FSIP2: variants seen among roughly 807,000 people sequenced by gnomAD.
The protein encoded by FSIP2 is fibrous sheath interacting protein 2, also known as fibrous sheath-interacting protein 2.
Under a neutral mutation model 510.5 loss-of-function variants are expected in FSIP2, and 367 were observed. The observed-to-expected ratio is 0.72, with a 90% confidence interval of 0.66 to 0.78. The LOEUF (loss-of-function observed/expected upper bound fraction) is 0.78, where lower values mean the gene tolerates loss of function less well. Ranked by LOEUF, FSIP2 falls within the 30% of genes least tolerant of loss-of-function variation. The probability of loss-of-function intolerance (pLI) is 0.00; values close to 1 mark genes in which losing one functional copy is unlikely to be tolerated. For missense variants in FSIP2, 7,594 were observed against 7,901.7 expected (o/e 0.96, Z 1.48); for synonymous variants, 2,601 against 2,732.2 (o/e 0.95, Z 1.50).
At chr2:185,761,822 T>C in intron 10 of FSIP2, 150 bp from the exon 11 acceptor site, 1 of 465,818 alleles carries the variant, frequency 2.1e-6, no homozygotes. Context: ...AGGAGGTTGA[T>C]GATATGTATT....
rs1196915761 is a variant in FSIP2 at position 185,792,027 on chromosome 2, C to T, written c.4891C>T (p.His1631Tyr). ...YESTNISRDT[H>Y]EASFLSALYM... ...AAGCACCAATATTTCCAGAGACACA[C>T]ATGAAGCATCATTTCTGTCTGCTTT... The change falls in exon 16 of 23, where the codon CAT becomes TAT. Residue 1631 changes from histidine (H) to tyrosine (Y), a missense_variant. Transcript: ENST00000424728. The T allele has an allele frequency of 6.5e-7, 1 of 1,533,870 alleles. No homozygotes were observed. Among genetic ancestry groups the T allele is most frequent in the East Asian group, 2.4e-5 (1 of 40,824 alleles).
In FSIP2 at chr2:185,793,162, G is replaced by T; in HGVS notation, c.6026G>T (p.Arg2009Ile). 6.5e-7 allele frequency: 1 copy of T among 1,534,158 alleles called. No individual in the cohort carries two copies. Among genetic ancestry groups the T allele is most frequent in the Non-Finnish European group, 8.7e-7 (1 of 1,145,546 alleles). ...ACTTATGCACTACAAGTGGCTAGAA[G>T]AAATTTACAAGGAATCAAACAGGAA... ...LNTYALQVARRNLQGIKQELD... is the reference protein window; with the variant it reads ...LNTYALQVARINLQGIKQELD... Residue 2009 changes from arginine to isoleucine, a missense_variant, in exon 16 of 23, where the codon AGA becomes ATA. Arg to Ile is a moderately conservative substitution (Grantham distance 97, BLOSUM62 -3). Transcript: ENST00000424728.
intron 13 of FSIP2, among the ~76,000 whole-genome samples, chr2:185,781,737 G>A (rs1472561291): frequency 6.6e-6 from 1 of 152,150 alleles, no homozygotes; most frequent in South Asian, 2.1e-4. Flanking sequence ...CTGAATGCTA[G>A]GCAAAATTAA....
Position 185,762,017 on chromosome 2 carries a change from G to A in FSIP2, c.1240G>A (p.Gly414Arg). Reference protein sequence around the residue: ...SKNSSIFDDRGGINISGQGSI... With the variant: ...SKNSSIFDDRRGINISGQGSI... ...AAACTCAAGTATTTTCGATGATAGA[G>A]GTAAGAAAATAAACAATAGTCATAA... The change falls in exon 11 of 23, where the codon GGA (glycine) becomes AGA (arginine). Residue 414 changes from glycine (G) to arginine (R), a missense_variant and splice_region_variant. Transcript: ENST00000424728. 7.1e-7 allele frequency: 1 copy of A among 1,416,770 alleles called. No homozygotes were observed. Among genetic ancestry groups the A allele is most frequent in the Non-Finnish European group, 9.6e-7 (1 of 1,042,288 alleles). The allele number at this position is 1,416,770 out of a possible 1,614,324, so 87.8% of individuals were successfully genotyped here.
intron 17 of FSIP2, among the ~76,000 whole-genome samples, chr2:185,813,311 A>C (rs1456700360): frequency 2.0e-5 from 3 of 152,016 alleles, no homozygotes; most frequent in Admixed American, 6.6e-5. Context: ...CTTTTGGACT[A>C]AGTTATATTA....
chr2:185,772,225 G>C (rs1692619081), intron 13 of FSIP2, among the ~76,000 whole-genome samples: 1 of 152,046 alleles, frequency 6.6e-6, no homozygotes. Flanking sequence ...GTGTTCTTCA[G>C]AGCCAGAGCC....
Position 185,815,384 on chromosome 2 carries a change from A to G in FSIP2, c.20339A>G (p.Asn6780Ser). ...EKPQCKKEEK[N>S]LVTEPTHYFI... ...GTCCTTTTCCAGAAAGAAGAAAAGA[A>G]TCTTGTTACTGAACCAACACATTAC... is the stretch of plus-strand genomic sequence containing the variant. The change falls in exon 19 of 23, where the codon AAT becomes AGT. Residue 6780 changes from asparagine to serine, a missense_variant. By Grantham distance (46) the Asn-to-Ser change is conservative. Coordinates refer to ENST00000424728, the MANE Select transcript of FSIP2 (RefSeq NM_173651.4). 6.8e-7 allele frequency: 1 copy of G among 1,466,840 alleles called. No homozygotes were observed. The highest frequency in any genetic ancestry group is 9.4e-7 in the Non-Finnish European group (1 of 1,060,408). 90.9% of individuals were successfully genotyped at this position (1,466,840 alleles called of 1,614,324 possible).
intron 7 of FSIP2, among the ~76,000 whole-genome samples, chr2:185,749,378 C>A (rs995490034): frequency 1.3e-5 from 2 of 151,890 alleles, no homozygotes; most frequent in African/African-American, 4.8e-5. Context: ...TTCATAAATT[C>A]ATCCCTAGGT....
intron 13 of FSIP2, among the ~76,000 whole-genome samples, chr2:185,771,128 G>A (rs1692599099): frequency 6.6e-6 from 1 of 152,220 alleles, no homozygotes; most frequent in Non-Finnish European, 1.5e-5. Context: ...CATGGCTTCT[G>A]TCACTGATTT....
intron 22 of FSIP2, among the ~76,000 whole-genome samples, chr2:185,832,325 G>T (rs1694122605): frequency 6.6e-6 from 1 of 151,768 alleles, no homozygotes; most frequent in South Asian, 2.1e-4. Flanking sequence ...ATTGAGCAGG[G>T]GTGTGTGGCT....
chr2:185,745,286 T>A, intron 4 of FSIP2, 143 bp from the exon 5 acceptor site: 1 of 459,024 alleles, frequency 2.2e-6, no homozygotes, highest in Admixed American at 4.3e-5. Context: ...GGTTTACTTG[T>A]CTGTGTCTTT....
chr2:185,831,369 T>G (rs1254920153), intron 21 of FSIP2, among the ~76,000 whole-genome samples: 1 of 151,936 alleles, frequency 6.6e-6, no homozygotes, highest in Non-Finnish European at 1.5e-5. Context: ...ACAGAGCCAC[T>G]TTATTGCTCC....
chr2:185,793,230 G>A lies in FSIP2; in HGVS notation c.6094G>A (p.Gly2032Arg). The A allele has an allele frequency of 1.3e-6, 2 of 1,533,912 alleles. No individual in the cohort carries two copies. Among genetic ancestry groups the A allele is most frequent in the Non-Finnish European group, 1.7e-6 (2 of 1,145,506 alleles). ...RENPFLTHDI[G>R]ISESIASQIV... ...AAATCCTTTTTTAACTCATGACATTGGGATTTCTGAAAGTATTGCAAGTCA... is the reference window on the plus strand; with the variant it reads ...AAATCCTTTTTTAACTCATGACATTAGGATTTCTGAAAGTATTGCAAGTCA... Residue 2032 changes from glycine to arginine, a missense_variant, in exon 16 of 23, where the codon GGG becomes AGG. Gly to Arg is a moderately radical substitution (Grantham distance 125). Transcript: ENST00000424728.
intron 18 of FSIP2, among the ~76,000 whole-genome samples, chr2:185,814,270 A>T (rs537859974): frequency 6.6e-6 from 1 of 152,212 alleles, no homozygotes; most frequent in Non-Finnish European, 1.5e-5. Flanking sequence ...CCCAAAGAAA[A>T]GAGAAAATGG....
At position 185,813,794 on chromosome 2, in the gene FSIP2, C is replaced by G; in HGVS notation, c.20077C>G (p.Pro6693Ala). Residue 6693 changes from proline (P) to alanine (A), a missense_variant, in exon 18 of 23, where the codon CCA (proline) becomes GCA (alanine). Pro to Ala is a conservative substitution (Grantham distance 27, BLOSUM62 -1). Coordinates refer to ENST00000424728, the MANE Select transcript of FSIP2 (RefSeq NM_173651.4). Reference protein sequence around the residue: ...FEDQVKEVKKPIQSKLSPKST... With the variant: ...FEDQVKEVKKAIQSKLSPKST... ...AGATCAAGTGAAAGAAGTCAAGAAG[C>G]CAATACAAAGCAAACTTTCTCCTAA... 6.2e-7 allele frequency: 1 copy of G among 1,613,384 alleles called. No individual in the cohort carries two copies. Among genetic ancestry groups the G allele is most frequent in the Non-Finnish European group, 8.5e-7 (1 of 1,179,742 alleles).
At chr2:185,814,395 G>T (rs1394743364) in intron 18 of FSIP2, among the ~76,000 whole-genome samples, 1 of 152,052 alleles carries the variant, frequency 6.6e-6, no homozygotes, top group African/African-American at 2.4e-5. Context: ...AATGCTACTA[G>T]AATAGCACCA....
rs1003180245 is a variant in FSIP2, at chr2:185,738,804, A to T, written c.-91A>T. 2.5e-5 allele frequency: 38 copies of T among 1,535,920 alleles called. No homozygotes were observed. The highest frequency in any genetic ancestry group is 3.1e-5 in the Non-Finnish European group (36 of 1,146,782). On this transcript the variant is annotated 5_prime_UTR_variant, in exon 1 of 23. Coordinates refer to ENST00000424728, the MANE Select transcript of FSIP2 (RefSeq NM_173651.4). ...GGGCTGAGGTCGTTGGGCTCTGGCC[A>T]TTCCTGGTCAGGTCCGGACAGAGGG...
Position 185,777,237 on chromosome 2 carries a change from G to A in FSIP2, c.1412-5468G>A, listed in dbSNP as rs1362067886. Among the ~76,000 whole-genome samples, 3 of 152,244 alleles carry A rather than the reference G, an allele frequency of 2.0e-5. No individual in the cohort carries two copies. In the East Asian group the frequency reaches 5.8e-4, roughly 29 times the overall value. Reference sequence around the variant, plus strand: ...AGCTGAGGGAGGTTAGGGGTAGAGAGACCTTCTTTTTTTCTCAGCAGAGGG... The same window carrying A: ...AGCTGAGGGAGGTTAGGGGTAGAGAAACCTTCTTTTTTTCTCAGCAGAGGG... On this transcript the variant is annotated intron_variant, in intron 13 of 22. Coordinates refer to ENST00000424728, the MANE Select transcript of FSIP2 (RefSeq NM_173651.4).
In FSIP2 at chr2:185,796,581, G is replaced by A. The variant is rs1693284400; in HGVS notation, c.9445G>A (p.Ala3149Thr). 6.5e-7 allele frequency: 1 copy of A among 1,534,988 alleles called. No homozygotes were observed. The highest frequency in any genetic ancestry group is 8.7e-7 in the Non-Finnish European group (1 of 1,146,178). The stretch of plus-strand genomic sequence containing the variant: ...TTCAAGAGAAAGTTTGTTCCAAGGA[G>A]CTGAAAATGCCTACACTGTTAATCA... Reference protein sequence around the residue: ...NLSRESLFQGAENAYTVNQVE... With the variant: ...NLSRESLFQGTENAYTVNQVE... Residue 3149 changes from alanine (A) to threonine (T), a missense_variant, in exon 16 of 23, where the codon GCT becomes ACT. Physicochemically the swap from Ala to Thr is moderately conservative, Grantham distance 58. Coordinates refer to ENST00000424728, the MANE Select transcript of FSIP2 (RefSeq NM_173651.4).
Sources: gnomAD v4.1 joint callset for allele counts (sites outside exome capture counted in the v4.1 genomes callset) on GRCh38, gnomAD v4.1.1 for gene constraint, MANE v1.5 for transcripts, NCBI Gene and HGNC (gene_info 2026-07-23, HGNC 2026-07-21) for gene names.